Variants in CD40 observed in about 807,000 individuals in gnomAD.
CD40 encodes the protein CD40 molecule.
In CD40, 19 loss-of-function variants were observed where a neutral mutation model predicts 38.5. The observed-to-expected ratio is 0.49, with a 90% CI of 0.34 to 0.72. CD40 has a LOEUF of 0.72. Among genes scored for constraint, CD40 ranks in the 30% least tolerant of loss-of-function variants. The pLI, the probability that CD40 is intolerant of heterozygous loss-of-function variation, is 0.01. For missense variants in CD40, 256 were observed against 344.1 expected (o/e 0.74, Z 2.03); for synonymous variants, 130 against 128.7 (o/e 1.01, Z -0.07).
chr20:46,126,915 C>A, intron 6 of CD40: 1 of 698,178 alleles, frequency 1.4e-6, no homozygotes, highest in Non-Finnish European at 2.4e-6. Flanking sequence ...ATGATAACAG[C>A]ACTTCCTTAG....
chr20:46,128,257 G>C (rs1367927508), intron 7 of CD40, 33 bp downstream of exon 7: 1 of 1,613,162 alleles, frequency 6.2e-7, no homozygotes, highest in East Asian at 2.2e-5. Context: ...GTTGGGGGAG[G>C]GAGGGGAGAC....
chr20:46,125,889 C>T (rs11569327), intron 5 of CD40, among the ~76,000 whole-genome samples: 30 of 152,298 alleles, frequency 2.0e-4, no homozygotes, highest in African/African-American at 1.2e-4. Flanking sequence ...ACACAATTTT[C>T]CATAGTTTCC....
chr20:46,124,773 T>G (rs2085395051), intron 5 of CD40, among the ~76,000 whole-genome samples: 3 of 115,318 alleles, frequency 2.6e-5, no homozygotes, highest in South Asian at 2.8e-4. Context: ...TTTTTTTTTT[T>G]TTTTTTTTTT....
At position 46,129,802 on chromosome 20, in the gene CD40, A is replaced by T. The variant is rs1363815007; in HGVS notation, c.*762A>T. Reference sequence around the variant, plus strand: ...ATAATGCTTCATCATTTTTCCCAAAAGGAGAGTGAATTCACATAATGCTTA... The same window carrying T: ...ATAATGCTTCATCATTTTTCCCAAATGGAGAGTGAATTCACATAATGCTTA... On this transcript the variant is annotated 3_prime_UTR_variant, in exon 9 of 9. Coordinates refer to ENST00000372285, the MANE Select transcript of CD40 (RefSeq NM_001250.6). 6.6e-6 allele frequency: 1 copy of T among 152,126 alleles called. No individual in the cohort carries two copies. The highest frequency in any genetic ancestry group is 1.5e-5 in the Non-Finnish European group (1 of 68,042). The allele number at this position is 152,126 out of a possible 1,614,324, so 9.4% of individuals were successfully genotyped here.
chr20:46,123,690 G>A (rs1382525567), intron 5 of CD40, among the ~76,000 whole-genome samples: 1 of 152,038 alleles, frequency 6.6e-6, no homozygotes, highest in African/African-American at 2.4e-5. Flanking sequence ...CTTTAGTTTG[G>A]GCCTCATCAC....
In CD40 at chr20:46,122,741, G is replaced by T; in HGVS notation, c.388G>T (p.Gly130Trp). Residue 130 changes from glycine to tryptophan, a missense_variant, in exon 4 of 9, where the codon GGG becomes TGG. Physicochemically the swap from Gly to Trp is radical, Grantham distance 184 (BLOSUM62 -2). Transcript: ENST00000372285. The surrounding 1 kb of genome is among the most constrained non-coding windows in gnomAD (Gnocchi z 5.0). ...VLHRSCSPGFGVKQIATGVSD... is the reference protein window; with the variant it reads ...VLHRSCSPGFWVKQIATGVSD... ...GCACCGCTCATGCTCGCCCGGCTTT[G>T]GGGTCAAGCAGATTGGTAAGTGGCT... 6.2e-7 allele frequency: 1 copy of T among 1,614,158 alleles called. No individual in the cohort carries two copies. The highest frequency in any genetic ancestry group is 8.5e-7 in the Non-Finnish European group (1 of 1,180,030).
intron 1 of CD40, among the ~76,000 whole-genome samples, chr20:46,121,362 A>C (rs2085313761): frequency 6.6e-6 from 1 of 152,198 alleles, no homozygotes; most frequent in African/African-American, 2.4e-5. Context: ...GGAAGAAAAC[A>C]TGATGGGCTT....
chr20:46,121,721 C>T, intron 1 of CD40, 99 bp from the exon 2 acceptor site: 1 of 894,806 alleles, frequency 1.1e-6, no homozygotes, highest in Non-Finnish European at 1.9e-6. Context: ...ACTTGCACTT[C>T]AGTTTGCAGC....
intron 5 of CD40, among the ~76,000 whole-genome samples, chr20:46,125,483 G>T (rs1003101729): frequency 7.0e-6 from 1 of 143,598 alleles, no homozygotes; most frequent in East Asian, 2.1e-4. Context: ...GGTGGAGGTT[G>T]CAGTGAGCTG....
Position 46,126,702 on chromosome 20 carries a change from G to C in CD40, c.559+1G>C. On this transcript the variant is annotated splice_donor_variant, in intron 6 of 8. Transcript: ENST00000372285. LOFTEE classifies it high-confidence loss of function. ...ACAAACAAGACTGATGTTGTCTGTG[G>C]TGAGTCCTGGACAATGGGCCCTGGA... The C allele has an allele frequency of 6.2e-7, 1 of 1,614,098 alleles. No individual in the cohort carries two copies. Among genetic ancestry groups the C allele is most frequent in the Non-Finnish European group, 8.5e-7 (1 of 1,179,954 alleles).
At chr20:46,128,002 A>G (rs752369534) in intron 6 of CD40, 136 bp from the exon 7 acceptor site, 23 of 1,549,542 alleles carry the variant, frequency 1.5e-5, no homozygotes, top group African/African-American at 2.7e-5. Flanking sequence ...ACATTTCCCC[A>G]AGGACCGCGG....
At position 46,127,028 on chromosome 20, in the gene CD40, A is replaced by G. The variant is rs1168123871; in HGVS notation, c.559+327A>G. 6.1e-5 allele frequency: 25 copies of G among 410,354 alleles called. No individual in the cohort carries two copies. In the East Asian group the frequency reaches 1.3e-3, roughly 21 times the overall value. The allele number at this position is 410,354 out of a possible 1,614,324, so 25.4% of individuals were successfully genotyped here. A position where few individuals can be genotyped will look rare whatever the true frequency, so the allele number is the denominator to read the frequency against. ...TAAGAAAATTACATTCTCTTTACCT[A>G]ACGCTAAATGACCAGTTAATGGGTG... On this transcript the variant is annotated intron_variant, in intron 6 of 8. Transcript: ENST00000372285.
intron 5 of CD40, among the ~76,000 whole-genome samples, chr20:46,124,000 C>T (rs1408574985): frequency 6.6e-6 from 1 of 152,198 alleles, no homozygotes; most frequent in Non-Finnish European, 1.5e-5. Context: ...CCTGGAATAC[C>T]TTAAACATGG....
chr20:46,121,352 G>A (rs2085313699), intron 1 of CD40, among the ~76,000 whole-genome samples: 1 of 152,194 alleles, frequency 6.6e-6, no homozygotes, highest in Non-Finnish European at 1.5e-5. Context: ...AGGAGTTGGA[G>A]GAAGAAAACA....
intron 7 of CD40, 26 bp from the exon 8 acceptor site, chr20:46,128,302 TCC>T: frequency 2.6e-6 from 4 of 1,513,478 alleles, no homozygotes; most frequent in African/African-American, 3.0e-5. Flanking sequence ...CAACTCCCCA[TCC>T]TTTTTTTTTT....
At chr20:46,125,174 G>A (rs946077253) in intron 5 of CD40, among the ~76,000 whole-genome samples, 6 of 152,040 alleles carry the variant, frequency 3.9e-5, no homozygotes, top group African/African-American at 1.2e-4. Flanking sequence ...CTGAAAAATG[G>A]GAATGACCTT....
In CD40 at chr20:46,122,603, T is replaced by G; in HGVS notation, c.257-7T>G. The G allele has an allele frequency of 6.2e-7, 1 of 1,614,134 alleles. No individual in the cohort carries two copies. Among genetic ancestry groups the G allele is most frequent in the East Asian group, 2.2e-5 (1 of 44,868 alleles). Reference sequence around the variant, plus strand: ...GGTTCCCATCCTTCCTGCCCTTCTCTTCTCAGACCTAGGGCTTCGGGTCCA... The same window carrying G: ...GGTTCCCATCCTTCCTGCCCTTCTCGTCTCAGACCTAGGGCTTCGGGTCCA... On this transcript the variant is annotated splice_polypyrimidine_tract_variant and splice_region_variant and intron_variant, in intron 3 of 8. Coordinates refer to ENST00000372285, the MANE Select transcript of CD40 (RefSeq NM_001250.6). This position sits in a 1 kb window ranked among gnomAD's most constrained non-coding sequence, Gnocchi z 5.0.
At chr20:46,118,453 G>A in intron 1 of CD40, 59 bp downstream of exon 1, 3 of 1,363,774 alleles carry the variant, frequency 2.2e-6, no homozygotes, top group African/African-American at 1.5e-5. Context: ...GAAGGAAAGG[G>A]AAGGAAGACT....
At chr20:46,126,742 G>A (rs1223291259) in intron 6 of CD40, 41 bp downstream of exon 6, 5 of 1,613,978 alleles carry the variant, frequency 3.1e-6, no homozygotes, top group Non-Finnish European at 4.2e-6. Flanking sequence ...GCCTAGGAAG[G>A]TGGGAACTGA....
Sources: gnomAD v4.1 joint callset for allele counts (sites outside exome capture counted in the v4.1 genomes callset) on GRCh38, gnomAD v4.1.1 for gene constraint, Gnocchi (gnomAD v3.1) non-coding constraint, MANE v1.5 for transcripts, NCBI Gene and HGNC (gene_info 2026-07-23, HGNC 2026-07-21) for gene names.